Variants in MTR observed in about 807,000 individuals in gnomAD.
MTR encodes methionine synthase.
A neutral mutation model predicts 154.8 loss-of-function variants in MTR; 84 were observed. The observed-to-expected ratio is 0.54, with a 90% CI of 0.45 to 0.65. The LOEUF (loss-of-function observed/expected upper bound fraction) is 0.65. Ranked by LOEUF, MTR falls within the 30% of genes least tolerant of loss-of-function variation. MTR has a pLI of 0.00. For synonymous variants in MTR, 554 were observed against 553.9 expected, an observed-to-expected ratio of 1.00 and a Z score of 0.00; for missense variants, 1,275 against 1,570.2, an observed-to-expected ratio of 0.81 and a Z score of 3.18.
chr1:236,821,126 T>G (rs1269643681), intron 8 of MTR, among the ~76,000 whole-genome samples: 1 of 152,244 alleles, frequency 6.6e-6, no homozygotes, highest in Non-Finnish European at 1.5e-5. Context: ...CTCACAGTTC[T>G]GGAGGCGGGG....
chr1:236,815,696 T>TC, intron 7 of MTR, 33 bp downstream of exon 7: 3 of 710,246 alleles, frequency 4.2e-6, no homozygotes, highest in Non-Finnish European at 6.0e-6. Context: ...AATACATTCT[T>TC]TTATTAATAA....
chr1:236,833,546 G>A (rs910672038), intron 13 of MTR, among the ~76,000 whole-genome samples: 12 of 152,280 alleles, frequency 7.9e-5, no homozygotes, highest in African/African-American at 2.9e-4. Context: ...AGTCTCCCAA[G>A]CATGTGCCCT....
chr1:236,805,841 G>A lies in MTR; in HGVS notation c.250-303G>A, dbSNP rs1660952918. On this transcript the variant is annotated intron_variant, in intron 2 of 32. Transcript: ENST00000366577. Reference sequence around the variant, plus strand: ...AGCATATAGCTACCCTGTGAAGTAGGGTTATAATATATTTGAATGAAGAGA... The same window carrying A: ...AGCATATAGCTACCCTGTGAAGTAGAGTTATAATATATTTGAATGAAGAGA... Among the ~76,000 whole-genome samples the A allele has an allele frequency of 2.0e-5, 3 of 152,106 alleles. No individual in the cohort carries two copies. The South Asian group carries it at 6.2e-4, about 32-fold the overall frequency.
chr1:236,823,974 G>A, intron 8 of MTR, 145 bp from the exon 9 acceptor site: 4 of 711,964 alleles, frequency 5.6e-6, no homozygotes, highest in African/African-American at 1.8e-5. Flanking sequence ...CAGTGAGATG[G>A]CTTTGATGGT....
Position 236,877,526 on chromosome 1 carries a change from C to T in MTR, c.2594+2680C>T, listed in dbSNP as rs547340950. 9.9e-5 allele frequency among the ~76,000 whole-genome samples: 15 copies of T among 152,170 alleles called. No individual in the cohort carries two copies. In the South Asian group the frequency reaches 1.0e-3, roughly 11 times the overall value. ...CATATTGTATGTGCTCTCCTGTGTC[C>T]GGCTTCTTTTGCCCCACATCAGCCT... On this transcript the variant is annotated intron_variant, in intron 24 of 32. Transcript: ENST00000366577.
chr1:236,812,327 A>C (rs1176112202), intron 5 of MTR, among the ~76,000 whole-genome samples: 1 of 152,274 alleles, frequency 6.6e-6, no homozygotes, highest in Admixed American at 6.5e-5. Context: ...TATCACAGAG[A>C]GTGACTTCTA....
At chr1:236,803,206 T>G (rs1203892445) in intron 1 of MTR, among the ~76,000 whole-genome samples, 1 of 152,216 alleles carries the variant, frequency 6.6e-6, no homozygotes, top group Admixed American at 6.5e-5. Context: ...CTTGGTTTCG[T>G]GCTTCACCAG....
At chr1:236,831,521 A>C (rs1662610943) in intron 12 of MTR, among the ~76,000 whole-genome samples, 1 of 152,198 alleles carries the variant, frequency 6.6e-6, no homozygotes, top group African/African-American at 2.4e-5. Context: ...TGTTGTAAAC[A>C]CACCATTGGT....
At chr1:236,850,995 T>C (rs1663867379) in intron 16 of MTR, among the ~76,000 whole-genome samples, 1 of 152,232 alleles carries the variant, frequency 6.6e-6, no homozygotes, top group Non-Finnish European at 1.5e-5. Flanking sequence ...AAGTAGCTAT[T>C]GTCCTGAGTT....
chr1:236,795,386 T>C lies in MTR; in HGVS notation c.-318T>C. The stretch of plus-strand genomic sequence containing the variant: ...TCTGCCGGTTTTCTCTTGGGTCCTT[T>C]TCCGTGCCGTCCCGCGACTCCGCCT... On this transcript the variant is annotated 5_prime_UTR_variant, in exon 1 of 33. Transcript: ENST00000366577. 1 of 1,408,650 alleles carries C rather than the reference T, an allele frequency of 7.1e-7. No individual in the cohort carries two copies. The allele number at this position is 1,408,650 out of a possible 1,614,324, so 87.3% of individuals were successfully genotyped here.
chr1:236,800,510 C>A (rs960402414), intron 1 of MTR: 2 of 975,272 alleles, frequency 2.1e-6, no homozygotes, highest in African/African-American at 3.5e-5. Context: ...CTTCTCATTC[C>A]TCCTGTGAAA....
At chr1:236,844,583 G>T (rs1663461836) in intron 15 of MTR, among the ~76,000 whole-genome samples, 1 of 151,878 alleles carries the variant, frequency 6.6e-6, no homozygotes, top group African/African-American at 2.4e-5. Flanking sequence ...AGGAGATAAA[G>T]GATACATTTG....
intron 22 of MTR, among the ~76,000 whole-genome samples, chr1:236,870,868 T>G (rs1572299372): frequency 6.6e-6 from 1 of 152,210 alleles, no homozygotes; most frequent in African/African-American, 2.4e-5. Flanking sequence ...AAACCGAAAC[T>G]CTTGCGTCAT....
Position 236,815,652 on chromosome 1 carries a change from C to T in MTR, c.658C>T (p.Arg220Trp), listed in dbSNP as rs533191536. 26 of 1,613,112 alleles carry T rather than the reference C, an allele frequency of 1.6e-5. No homozygotes were observed. In the East Asian group the frequency reaches 2.2e-4, roughly 14 times the overall value. ...TCTTTTTGAGGAGAAATATGCTCCC[C>T]GGCCTATCTTTGTAAGTTCTAAAGT... ...QNLFEEKYAP[R>W]PIFISGTIVD... Residue 220 changes from arginine (R) to tryptophan (W), a missense_variant, in exon 7 of 33, where the codon CGG becomes TGG. Arg to Trp is a moderately radical substitution (Grantham distance 101). Coordinates refer to ENST00000366577, the MANE Select transcript of MTR (RefSeq NM_000254.3).
At chr1:236,855,559 T>G (rs1290704319) in intron 18 of MTR, among the ~76,000 whole-genome samples, 6 of 152,210 alleles carry the variant, frequency 3.9e-5, no homozygotes, top group Non-Finnish European at 7.3e-5. Context: ...GAAAGTTTTC[T>G]GTTCTTTGAT....
intron 10 of MTR, 129 bp downstream of exon 10, chr1:236,825,528 A>G: frequency 1.0e-6 from 1 of 968,412 alleles, no homozygotes; most frequent in Non-Finnish European, 1.7e-6. Context: ...AAGTTTAGCT[A>G]TCCCAAATTA....
chr1:236,903,963 T>G lies in MTR; in HGVS notation c.*6319T>G, dbSNP rs1667027957. The G allele has an allele frequency of 6.6e-6, 1 of 152,232 alleles. No individual in the cohort carries two copies. Among genetic ancestry groups the G allele is most frequent in the African/African-American group, 2.4e-5 (1 of 41,452 alleles). 9.4% of individuals were successfully genotyped at this position (152,232 alleles called of 1,614,324 possible). A position where few individuals can be genotyped will look rare whatever the true frequency, so the allele number is the denominator to read the frequency against. On this transcript the variant is annotated 3_prime_UTR_variant, in exon 33 of 33. Coordinates refer to ENST00000366577, the MANE Select transcript of MTR (RefSeq NM_000254.3). ...GTATATAGTGCCAAATACCATTAAT[T>G]AAAAATATTTTAACCTGATATGATA...
chr1:236,806,195 A>G lies in MTR; in HGVS notation c.301A>G (p.Thr101Ala), dbSNP rs758202311. 6.2e-7 allele frequency: 1 copy of G among 1,614,160 alleles called. No homozygotes were observed. The highest frequency in any genetic ancestry group is 8.5e-7 in the Non-Finnish European group (1 of 1,180,006). Residue 101 changes from threonine (T) to alanine (A), a missense_variant, in exon 3 of 33, where the codon ACT becomes GCT. Coordinates refer to ENST00000366577, the MANE Select transcript of MTR (RefSeq NM_000254.3). The part of the protein sequence containing the change: ...DIIETNTFSS[T>A]SIAQADYGLE... ...CATTGAAACAAATACTTTTAGCAGC[A>G]CTAGTATTGCCCAAGCTGACTATGG...
At chr1:236,867,527 A>G (rs1373062846) in intron 22 of MTR, among the ~76,000 whole-genome samples, 1 of 152,220 alleles carries the variant, frequency 6.6e-6, no homozygotes, top group Non-Finnish European at 1.5e-5. Context: ...CCTGTGAATC[A>G]AGGAGGAATT....
Sources: allele counts gnomAD v4.1 joint callset (sites outside exome capture counted in the v4.1 genomes callset), GRCh38; gene constraint gnomAD v4.1.1; transcripts MANE v1.5; gene names NCBI Gene and HGNC (gene_info 2026-07-23, HGNC 2026-07-21).